The following ZNF444 variants were observed in gnomAD, a reference collection of about 807,000 sequenced individuals.
The protein encoded by ZNF444 is endothelial zinc finger protein 2.
A neutral mutation model predicts 14.4 loss-of-function variants in ZNF444; 8 were observed. The ratio of observed to expected loss-of-function variants is 0.56; its 90% CI spans 0.33 to 1.00. The LOEUF (loss-of-function observed/expected upper bound fraction) is 1.00, where lower values mean the gene tolerates loss of function less well. Among genes scored for constraint, ZNF444 ranks in the 50% least tolerant of loss-of-function variants. The pLI, the probability that ZNF444 is intolerant of heterozygous loss-of-function variation, is 0.03. For synonymous variants in ZNF444, 258 were observed against 235.9 expected (o/e 1.09, Z -0.86); for missense variants, 510 against 504.8 (o/e 1.01, Z -0.10).
chr19:56,143,495 C>T (rs1410344458), intron 1 of ZNF444: 1 of 152,250 alleles, frequency 6.6e-6, no homozygotes, highest in East Asian at 1.9e-4. Context: ...TTCATCAGCC[C>T]TTAAACTGAT....
chr19:56,137,250 T>G (rs1335709619), upstream of ZNF444, among the ~76,000 whole-genome samples: 5 of 149,752 alleles, frequency 3.3e-5, no homozygotes, highest in East Asian at 4.0e-4. Context: ...GCGGGCGGAT[T>G]ACCTGAGGTC....
chr19:56,143,573 G>A (rs1236259239), intron 1 of ZNF444: 1 of 152,216 alleles, frequency 6.6e-6, no homozygotes, highest in East Asian at 1.9e-4. Context: ...TCTGCCACGT[G>A]TTAGCTGAGT....
rs1390832325 is a variant in ZNF444 at position 56,147,374 on chromosome 19, C to T, written c.297+166C>T. 6.6e-6 allele frequency among the ~76,000 whole-genome samples: 1 copy of T among 152,094 alleles called. No individual in the cohort carries two copies. The highest frequency in any genetic ancestry group is 1.5e-5 in the Non-Finnish European group (1 of 68,008). ...ACAGCGTGGAGGGACAGTCCACGTGCGGCACCCTCCATCCCCACACCAGCT... is the reference window on the plus strand; with the variant it reads ...ACAGCGTGGAGGGACAGTCCACGTGTGGCACCCTCCATCCCCACACCAGCT... On this transcript the variant is annotated intron_variant, in intron 3 of 4. Transcript: ENST00000337080. This position sits in a 1 kb window ranked among gnomAD's most constrained non-coding sequence, Gnocchi z 5.9.
chr19:56,160,504 G>T lies in ZNF444; in HGVS notation c.*303G>T. 2.8e-6 allele frequency: 1 copy of T among 358,946 alleles called. No individual in the cohort carries two copies. Among genetic ancestry groups the T allele is most frequent in the Non-Finnish European group, 5.0e-6 (1 of 199,668 alleles). 22.2% of individuals were successfully genotyped at this position (358,946 alleles called of 1,614,324 possible). A position where few individuals can be genotyped will look rare whatever the true frequency, so the allele number is the denominator to read the frequency against. On this transcript the variant is annotated 3_prime_UTR_variant, in exon 5 of 5. Transcript: ENST00000337080. The stretch of plus-strand genomic sequence containing the variant: ...CTCCTTCCCCCCTCTTCTCTCTCCT[G>T]CGGCCCAGCCTCCCTCTCCCTCCTC...
At chr19:56,138,063 G>C (rs556640424), upstream of ZNF444, among the ~76,000 whole-genome samples, 17 of 152,172 alleles carry the variant, frequency 1.1e-4, no homozygotes, top group South Asian at 3.1e-3. Flanking sequence ...GGTGGAGGTT[G>C]CAGTGAGCTG....
upstream of ZNF444, among the ~76,000 whole-genome samples, chr19:56,139,240 G>A (rs1242406576): frequency 6.6e-6 from 1 of 152,116 alleles, no homozygotes; most frequent in Non-Finnish European, 1.5e-5. Flanking sequence ...GGAGGCAGAA[G>A]AGGCGAGAGT....
Position 56,146,308 on chromosome 19 carries a change from C to T in ZNF444, c.-135C>T, listed in dbSNP as rs1287216585. The T allele has an allele frequency of 1.3e-5, 2 of 152,486 alleles. No homozygotes were observed. Among genetic ancestry groups the T allele is most frequent in the African/African-American group, 4.8e-5 (2 of 41,464 alleles). 9.4% of individuals were successfully genotyped at this position (152,486 alleles called of 1,614,324 possible). On this transcript the variant is annotated 5_prime_UTR_variant, in exon 2 of 5. Transcript: ENST00000337080. ...GAGGCCAGGGGCCCAGGGCAGGACC[C>T]AGCCTGGACTTGACTCCCTGGGATC...
chr19:56,133,452 C>T (rs2030536648), intron 1 of ZNF444, among the ~76,000 whole-genome samples: 1 of 152,154 alleles, frequency 6.6e-6, no homozygotes, highest in South Asian at 2.1e-4. Context: ...AAACCCGGGT[C>T]TCTTGCTGTG....
intron 1 of ZNF444, among the ~76,000 whole-genome samples, chr19:56,142,744 G>A (rs2030913823): frequency 6.6e-6 from 1 of 152,180 alleles, no homozygotes; most frequent in Non-Finnish European, 1.5e-5. Flanking sequence ...GAGGGGGTAA[G>A]TCACACGTCC....
In ZNF444 at chr19:56,147,301, G is replaced by A. The variant is rs1175790835; in HGVS notation, c.297+93G>A. The A allele has an allele frequency of 9.7e-6, 13 of 1,334,504 alleles. No individual in the cohort carries two copies. The highest frequency in any genetic ancestry group is 1.7e-5 in the South Asian group (1 of 58,144). 82.7% of individuals were successfully genotyped at this position (1,334,504 alleles called of 1,614,324 possible). ...CAGGGAGGAGCACCACTGAACCCCTGAAAACCAGTGTGACTCGCGGTGGGG... is the reference window on the plus strand; with the variant it reads ...CAGGGAGGAGCACCACTGAACCCCTAAAAACCAGTGTGACTCGCGGTGGGG... On this transcript the variant is annotated intron_variant, in intron 3 of 4. Transcript: ENST00000337080. The surrounding 1 kb of genome is among the most constrained non-coding windows in gnomAD (Gnocchi z 5.9).
In ZNF444 at chr19:56,146,927, C is replaced by T; in HGVS notation, c.16C>T (p.Pro6Ser). The T allele has an allele frequency of 1.4e-6, 2 of 1,437,750 alleles. No homozygotes were observed. Among genetic ancestry groups the T allele is most frequent in the East Asian group, 2.9e-5 (1 of 34,700 alleles). The allele number at this position is 1,437,750 out of a possible 1,614,324, so 89.1% of individuals were successfully genotyped here. The change falls in exon 3 of 5, where the codon CCC becomes TCC. Residue 6 changes from proline (P) to serine (S), a missense_variant. Transcript: ENST00000337080. ...GGGAGGCCCCATGGAGGTGGCGGTG[C>T]CCGTGAAGCAGGAGGCCGAGGGCCT... MEVAV[P>S]VKQEAEGLAL...
At position 56,160,857 on chromosome 19, in the gene ZNF444, T is replaced by A. The variant is rs1426254634; in HGVS notation, c.*656T>A. 1 of 152,706 alleles carries A rather than the reference T, an allele frequency of 6.5e-6. No individual in the cohort carries two copies. Among genetic ancestry groups the A allele is most frequent in the Non-Finnish European group, 1.5e-5 (1 of 68,260 alleles). 9.5% of individuals were successfully genotyped at this position (152,706 alleles called of 1,614,324 possible). ...GGTTGGGGAGGGCAGTTCACCAGCA[T>A]CCATAGAGTAATAAAGTCACTGTGT... On this transcript the variant is annotated 3_prime_UTR_variant, in exon 5 of 5. Coordinates refer to ENST00000337080, the MANE Select transcript of ZNF444 (RefSeq NM_018337.4).
Position 56,146,892 on chromosome 19 carries a change from G to C in ZNF444, c.-20G>C, listed in dbSNP as rs1323059698. Reference sequence around the variant, plus strand: ...TCTCACCGGCTTGTTCCCTGCAGGCGCTGCGGTCCGGGAGGCCCCATGGAG... The same window carrying C: ...TCTCACCGGCTTGTTCCCTGCAGGCCCTGCGGTCCGGGAGGCCCCATGGAG... On this transcript the variant is annotated splice_region_variant and 5_prime_UTR_variant, in exon 3 of 5. Transcript: ENST00000337080. 1 of 1,390,258 alleles carries C rather than the reference G, an allele frequency of 7.2e-7. No homozygotes were observed. Among genetic ancestry groups the C allele is most frequent in the South Asian group, 1.6e-5 (1 of 61,500 alleles). The allele number at this position is 1,390,258 out of a possible 1,614,324, so 86.1% of individuals were successfully genotyped here. A position where few individuals can be genotyped will look rare whatever the true frequency, so the allele number is the denominator to read the frequency against.
chr19:56,139,413 C>T (rs1423862003), upstream of ZNF444, among the ~76,000 whole-genome samples: 1 of 152,032 alleles, frequency 6.6e-6, no homozygotes, highest in Non-Finnish European at 1.5e-5. Flanking sequence ...ATTGGCTGGG[C>T]ATGGTGGTTC....
intron 1 of ZNF444, 100 bp downstream of exon 1, chr19:56,141,457 G>A (rs1166225028): frequency 4.5e-5 from 5 of 111,870 alleles, no homozygotes; most frequent in Admixed American, 4.5e-4. Flanking sequence ...GCCTCAGGAG[G>A]GAAAGATGGG....
Position 56,158,584 on chromosome 19 carries a change from A to G in ZNF444, c.388A>G (p.Ser130Gly), listed in dbSNP as rs1265594327. The G allele has an allele frequency of 1.9e-6, 3 of 1,610,790 alleles. No homozygotes were observed. Among genetic ancestry groups the G allele is most frequent in the Non-Finnish European group, 2.5e-6 (3 of 1,178,558 alleles). Residue 130 changes from serine (S) to glycine (G), a missense_variant, in exon 4 of 5, where the codon AGT (serine) becomes GGT (glycine). By Grantham distance (56) the Ser-to-Gly change is moderately conservative (BLOSUM62 0). Transcript: ENST00000337080. ...TGGGGCCACAGGTGGAAAGGAGGAC[A>G]GTGGGATGATTCCCTTAGGTGAGCT... ...GPGATGGKEDSGMIPLAGTAP... is the reference protein window; with the variant it reads ...GPGATGGKEDGGMIPLAGTAP...
chr19:56,132,723 G>A (rs2030508231), exon 1 of ZNF444: 1 of 152,116 alleles, frequency 6.6e-6, no homozygotes, highest in Non-Finnish European at 1.5e-5. Flanking sequence ...GCCAGACATT[G>A]CGAGATACAG....
chr19:56,146,944 C>T lies in ZNF444; in HGVS notation c.33C>T (p.Ala11=), dbSNP rs539245586. Residue 11 remains alanine (A), a synonymous_variant, in exon 3 of 5, where the codon GCC becomes GCT. Coordinates refer to ENST00000337080, the MANE Select transcript of ZNF444 (RefSeq NM_018337.4). MEVAVPVKQE[A]EGLALDSPWH... is the part of the protein sequence containing the mutation. The stretch of plus-strand genomic sequence containing the variant: ...TGGCGGTGCCCGTGAAGCAGGAGGC[C>T]GAGGGCCTGGCGCTGGACTCCCCGT... 20 of 1,444,580 alleles carry T rather than the reference C, an allele frequency of 1.4e-5. No homozygotes were observed. Among genetic ancestry groups the T allele is most frequent in the South Asian group, 4.3e-5 (3 of 70,144 alleles). 89.5% of individuals were successfully genotyped at this position (1,444,580 alleles called of 1,614,324 possible).
intron 1 of ZNF444, among the ~76,000 whole-genome samples, chr19:56,142,112 C>T (rs566280676): frequency 1.3e-5 from 2 of 152,184 alleles, no homozygotes; most frequent in African/African-American, 2.4e-5. Flanking sequence ...ATTTTAACGC[C>T]TATTCCAATG....
Sources: gnomAD v4.1 joint callset for allele counts (sites outside exome capture counted in the v4.1 genomes callset) on GRCh38, gnomAD v4.1.1 for gene constraint, Gnocchi (gnomAD v3.1) non-coding constraint, MANE v1.5 for transcripts, NCBI Gene and HGNC (gene_info 2026-07-23, HGNC 2026-07-21) for gene names.